BPGM: variants seen among roughly 807,000 people sequenced by gnomAD.
BPGM encodes the protein bisphosphoglycerate mutase.
In BPGM, 15 loss-of-function variants were observed where a neutral mutation model predicts 21.6. The observed-to-expected ratio is 0.70, with a 90% CI of 0.47 to 1.07. BPGM has a LOEUF of 1.07. BPGM is among the 50% of genes least tolerant of loss of function. The pLI is 0.00. For missense variants in BPGM, 273 were observed against 319.0 expected (o/e 0.86, Z 1.10); for synonymous variants, 113 against 116.2 (o/e 0.97, Z 0.18).
At chr7:134,670,115 G>A (rs185606436) in intron 2 of BPGM, among the ~76,000 whole-genome samples, 1 of 152,292 alleles carries the variant, frequency 6.6e-6, no homozygotes, top group East Asian at 1.9e-4. Flanking sequence ...TCTTGCCAGA[G>A]GAAATGGATT....
Position 134,679,157 on chromosome 7 carries a change from G to A in BPGM, c.*126G>A. The A allele has an allele frequency of 9.6e-7, 1 of 1,037,590 alleles. No homozygotes were observed. The highest frequency in any genetic ancestry group is 1.4e-6 in the Non-Finnish European group (1 of 708,574). 64.3% of individuals were successfully genotyped at this position (1,037,590 alleles called of 1,614,324 possible). ...AGGCTGTGGAGTAGAGTTTGTATAG[G>A]TAACTAGGTAACTTATTGTGGCCCA... On this transcript the variant is annotated 3_prime_UTR_variant, in exon 3 of 3. Coordinates refer to ENST00000344924, the MANE Select transcript of BPGM (RefSeq NM_001724.5).
chr7:134,661,691 C>G lies in BPGM; in HGVS notation c.184C>G (p.Arg62Gly), dbSNP rs1436218818. The G allele has an allele frequency of 3.1e-6, 5 of 1,614,078 alleles. No individual in the cohort carries two copies. The South Asian group carries it at 5.5e-5, about 18-fold the overall frequency. The change falls in exon 2 of 3, where the codon CGG becomes GGG. Residue 62 changes from arginine to glycine, a missense_variant. Arg to Gly is a moderately radical substitution (Grantham distance 125, BLOSUM62 -2). Coordinates refer to ENST00000344924, the MANE Select transcript of BPGM (RefSeq NM_001724.5). The surrounding 1 kb of genome is among the most constrained non-coding windows in gnomAD (Gnocchi z 4.6). ...TCTTGTATTCACATCTGTCCTTAAT[C>G]GGTCCATTCACACAGCCTGGCTGAT... ...FDLVFTSVLNRSIHTAWLILE... is the reference protein window; with the variant it reads ...FDLVFTSVLNGSIHTAWLILE...
At chr7:134,662,130 T>C in intron 2 of BPGM, 22 bp downstream of exon 2, 1 of 1,613,572 alleles carries the variant, frequency 6.2e-7, no homozygotes, top group South Asian at 1.1e-5. Context: ...ATATACCACT[T>C]ATTAGAGGTT....
intron 2 of BPGM, among the ~76,000 whole-genome samples, chr7:134,674,781 T>C (rs1472456880): frequency 6.6e-6 from 1 of 152,220 alleles, no homozygotes; most frequent in Non-Finnish European, 1.5e-5. Flanking sequence ...ATATGCTTAG[T>C]AGTGGAATTG....
At chr7:134,647,275 G>A (rs1795475772) in intron 1 of BPGM, 1 of 152,408 alleles carries the variant, frequency 6.6e-6, no homozygotes, top group East Asian at 1.9e-4. Context: ...GTGTAGCAGA[G>A]CCCTTCCAAT....
intron 2 of BPGM, among the ~76,000 whole-genome samples, chr7:134,670,574 C>G (rs1795887769): frequency 6.6e-6 from 1 of 151,962 alleles, no homozygotes; most frequent in Admixed American, 6.6e-5. Context: ...TTCAAATCAC[C>G]CTAGCATATC....
chr7:134,675,286 A>G (rs1367605970), intron 2 of BPGM, among the ~76,000 whole-genome samples: 1 of 151,948 alleles, frequency 6.6e-6, no homozygotes, highest in African/African-American at 2.4e-5. Context: ...TTTCTTGTGT[A>G]TGCTTTTGGT....
At chr7:134,647,356 A>G (rs1316187039) in intron 1 of BPGM, 1 of 148,980 alleles carries the variant, frequency 6.7e-6, no homozygotes, top group African/African-American at 2.6e-5. Context: ...GGCCCTATCT[A>G]TCATTTTGTG....
chr7:134,674,165 A>G (rs10755880), intron 2 of BPGM, among the ~76,000 whole-genome samples: 75,488 of 151,760 alleles, frequency 0.5, 19,146 homozygotes, highest in East Asian at 0.77. Context: ...CACCCACCTC[A>G]GCCTCCCAAA....
At chr7:134,676,043 A>G (rs1284392541) in intron 2 of BPGM, among the ~76,000 whole-genome samples, 1 of 152,070 alleles carries the variant, frequency 6.6e-6, no homozygotes. Context: ...CCTTTTCTGT[A>G]TTGTTCTTAT....
chr7:134,662,904 G>A (rs929149059), intron 2 of BPGM, among the ~76,000 whole-genome samples: 1 of 152,170 alleles, frequency 6.6e-6, no homozygotes, highest in Non-Finnish European at 1.5e-5. Context: ...GAGGATTCAG[G>A]TTCACCGGTT....
In BPGM at chr7:134,678,996, G is replaced by A. The variant is rs1442136471; in HGVS notation, c.745G>A (p.Glu249Lys). ...GATCCAAGCAGCCATTAAGAAAGTA[G>A]AAGATCAAGGAAAAGTGAAACAAGC... ...EAIQAAIKKV[E>K]DQGKVKQAKK The change falls in exon 3 of 3, where the codon GAA becomes AAA. Residue 249 changes from glutamate (E) to lysine (K), a missense_variant. Glu to Lys is a moderately conservative substitution (Grantham distance 56). Coordinates refer to ENST00000344924, the MANE Select transcript of BPGM (RefSeq NM_001724.5). The A allele has an allele frequency of 1.2e-6, 2 of 1,614,158 alleles. No individual in the cohort carries two copies. The highest frequency in any genetic ancestry group is 1.7e-6 in the Non-Finnish European group (2 of 1,180,006).
At chr7:134,675,392 C>T (rs569964885) in intron 2 of BPGM, among the ~76,000 whole-genome samples, 1 of 152,124 alleles carries the variant, frequency 6.6e-6, no homozygotes, top group Admixed American at 6.5e-5. Flanking sequence ...GCTCTTGACT[C>T]TAAGTCTTTG....
At chr7:134,647,332 G>A (rs545949653) in intron 1 of BPGM, 2 of 152,336 alleles carry the variant, frequency 1.3e-5, no homozygotes, top group East Asian at 1.9e-4. Flanking sequence ...TGTATTTAGG[G>A]TTCTGGCAGA....
At position 134,654,127 on chromosome 7, in the gene BPGM, T is replaced by TACACAC. The variant is rs5887693; in HGVS notation, c.-62+7203_-62+7208dup. On this transcript the variant is annotated intron_variant, in intron 1 of 2. Coordinates refer to ENST00000344924, the MANE Select transcript of BPGM (RefSeq NM_001724.5). ...GGTGTGAATTACTTTGAGTTTTAGG[T>TACACAC]ACACACACACACACACACGTACTGA... 3.1e-3 allele frequency among the ~76,000 whole-genome samples: 472 copies of TACACAC among 150,472 alleles called. 3 individuals carry two copies. Among genetic ancestry groups the TACACAC allele is most frequent in the Middle Eastern group, 7.0e-3 (2 of 286 alleles).
In BPGM at chr7:134,661,702, C is replaced by T. The variant is rs1285362516; in HGVS notation, c.195C>T (p.His65=). Residue 65 remains histidine (H), a synonymous_variant, in exon 2 of 3, where the codon CAC becomes CAT. Coordinates refer to ENST00000344924, the MANE Select transcript of BPGM (RefSeq NM_001724.5). The surrounding 1 kb of genome is among the most constrained non-coding windows in gnomAD (Gnocchi z 4.6). ...CATCTGTCCTTAATCGGTCCATTCACACAGCCTGGCTGATCCTGGAAGAGC... is the reference window on the plus strand; with the variant it reads ...CATCTGTCCTTAATCGGTCCATTCATACAGCCTGGCTGATCCTGGAAGAGC... ...VFTSVLNRSI[H]TAWLILEELG... The T allele has an allele frequency of 2.5e-6, 4 of 1,614,134 alleles. No individual in the cohort carries two copies. The highest frequency in any genetic ancestry group is 3.4e-6 in the Non-Finnish European group (4 of 1,180,018).
At chr7:134,660,275 T>G (rs3800693) in intron 1 of BPGM, 89,105 of 152,374 alleles carry the variant, frequency 0.58, 27,145 homozygotes, top group East Asian at 0.89. Flanking sequence ...AGAGAAAATC[T>G]CCAGTTAATG....
chr7:134,676,723 A>G (rs1795988153), intron 2 of BPGM, among the ~76,000 whole-genome samples: 1 of 152,222 alleles, frequency 6.6e-6, no homozygotes, highest in Non-Finnish European at 1.5e-5. Flanking sequence ...AGTACTAGGA[A>G]TATAAAGGGC....
chr7:134,653,122 A>C (rs1795582532), intron 1 of BPGM, among the ~76,000 whole-genome samples: 1 of 152,320 alleles, frequency 6.6e-6, no homozygotes, highest in East Asian at 1.9e-4. Context: ...ATGAAATTCT[A>C]ATTTCAGTGT....
Sources: allele counts gnomAD v4.1 joint callset (sites outside exome capture counted in the v4.1 genomes callset), GRCh38; gene constraint gnomAD v4.1.1; non-coding constraint Gnocchi (gnomAD v3.1); transcripts MANE v1.5; gene names NCBI Gene and HGNC (gene_info 2026-07-23, HGNC 2026-07-21).